Variants in MAFA observed in about 807,000 individuals in gnomAD.
The protein encoded by MAFA is MAF bZIP transcription factor A, also known as transcription factor MafA.
For missense variants in MAFA, 547 were observed against 538.0 expected (o/e 1.02, Z -0.16); for synonymous variants, 244 against 260.3 (o/e 0.94, Z 0.60).
Position 143,430,366 on chromosome 8 carries a change from C to G in MAFA, c.41G>C (p.Ser14Thr), listed in dbSNP as rs755736896. The G allele has an allele frequency of 7.0e-7, 1 of 1,432,258 alleles. No individual in the cohort carries two copies. The highest frequency in any genetic ancestry group is 1.2e-5 in the South Asian group (1 of 80,390). The allele number at this position is 1,432,258 out of a possible 1,614,324, so 88.7% of individuals were successfully genotyped here. A position where few individuals can be genotyped will look rare whatever the true frequency, so the allele number is the denominator to read the frequency against. Residue 14 changes from serine to threonine, a missense_variant, in exon 1 of 1, where the codon AGC (serine) becomes ACC (threonine). Physicochemically the swap from Ser to Thr is moderately conservative, Grantham distance 58. Transcript: ENST00000333480. ...GTTGACGTACTCGATGGCCAGCGGGCTGCTGGGCAGCTCGGCGCCCATCGC... is the reference window on the plus strand; with the variant it reads ...GTTGACGTACTCGATGGCCAGCGGGGTGCTGGGCAGCTCGGCGCCCATCGC... ...ELAMGAELPS[S>T]PLAIEYVNDF... is the part of the protein sequence containing the mutation.
chr8:143,429,641 T>A lies in MAFA; in HGVS notation c.766A>T (p.Lys256Ter). 6.3e-7 allele frequency: 1 copy of A among 1,589,006 alleles called. No individual in the cohort carries two copies. The highest frequency in any genetic ancestry group is 8.5e-7 in the Non-Finnish European group (1 of 1,174,232). Residue 256 changes from lysine to a stop codon, truncating the protein, a stop_gained, in exon 1 of 1, where the codon AAG becomes TAG. Coordinates refer to ENST00000333480, the MANE Select transcript of MAFA (RefSeq NM_201589.4). LOFTEE classifies it low-confidence loss of function (END_TRUNC). The surrounding 1 kb of genome is among the most constrained non-coding windows in gnomAD (Gnocchi z 5.9). ...GFSKEEVIRL[K>*]QKRRTLKNRG... ...TTCTTGAGCGTGCGCCGCTTCTGCT[T>A]GAGCCGGATGACCTCCTCCTTGCTG... is the stretch of plus-strand genomic sequence containing the variant.
Position 143,429,135 on chromosome 8 carries a change from C to A in MAFA, c.*210G>T. On this transcript the variant is annotated 3_prime_UTR_variant, in exon 1 of 1. Transcript: ENST00000333480. This position sits in a 1 kb window ranked among gnomAD's most constrained non-coding sequence, Gnocchi z 5.9. Reference sequence around the variant, plus strand: ...TTAGAAATCACCGTTCTCCGCTCAACCTCAGGACGGCGACCCGGGCCGACG... The same window carrying A: ...TTAGAAATCACCGTTCTCCGCTCAAACTCAGGACGGCGACCCGGGCCGACG... 1 of 449,010 alleles carries A rather than the reference C, an allele frequency of 2.2e-6. No individual in the cohort carries two copies. The highest frequency in any genetic ancestry group is 3.5e-6 in the Non-Finnish European group (1 of 286,082). 27.8% of individuals were successfully genotyped at this position (449,010 alleles called of 1,614,324 possible).
At position 143,428,911 on chromosome 8, in the gene MAFA, G is replaced by T; in HGVS notation, c.*434C>A. The T allele has an allele frequency of 6.4e-6, 1 of 156,186 alleles. No homozygotes were observed. The allele number at this position is 156,186 out of a possible 1,614,324, so 9.7% of individuals were successfully genotyped here. A position where few individuals can be genotyped will look rare whatever the true frequency, so the allele number is the denominator to read the frequency against. ...TCGAAAATAAGACCGATTTTAAAAC[G>T]GGGAGGGGAAGTTAAAAAAGGCAAG... On this transcript the variant is annotated 3_prime_UTR_variant, in exon 1 of 1. Transcript: ENST00000333480.
At position 143,429,265 on chromosome 8, in the gene MAFA, C is replaced by A; in HGVS notation, c.*80G>T. Reference sequence around the variant, plus strand: ...CGGGCCTGGTGTCCACGTCCTGTACCGCGGAGTCCGAGCCGAGGCCCCGAG... The same window carrying A: ...CGGGCCTGGTGTCCACGTCCTGTACAGCGGAGTCCGAGCCGAGGCCCCGAG... On this transcript the variant is annotated 3_prime_UTR_variant, in exon 1 of 1. Coordinates refer to ENST00000333480, the MANE Select transcript of MAFA (RefSeq NM_201589.4). This position sits in a 1 kb window ranked among gnomAD's most constrained non-coding sequence, Gnocchi z 5.9. The A allele has an allele frequency of 7.8e-7, 1 of 1,276,898 alleles. No individual in the cohort carries two copies. The highest frequency in any genetic ancestry group is 9.8e-7 in the Non-Finnish European group (1 of 1,019,232). The allele number at this position is 1,276,898 out of a possible 1,614,324, so 79.1% of individuals were successfully genotyped here.
Position 143,430,134 on chromosome 8 carries a change from C to T in MAFA, c.273G>A (p.Gly91=). The change falls in exon 1 of 1, where the codon GGG becomes GGA. Residue 91 remains glycine (G), a synonymous_variant. Transcript: ENST00000333480. ...CCCCGCTCGGCGGCCCGGGGGCGCCCCCGGCCTGAGACGAGCCGCCGCCGC... is the reference window on the plus strand; with the variant it reads ...CCCCGCTCGGCGGCCCGGGGGCGCCTCCGGCCTGAGACGAGCCGCCGCCGC... ...AGGGGGSSQA[G]GAPGPPSGGP... is the part of the protein sequence containing the mutation. The T allele has an allele frequency of 2.7e-6, 3 of 1,094,608 alleles. No individual in the cohort carries two copies. Among genetic ancestry groups the T allele is most frequent in the Non-Finnish European group, 3.3e-6 (3 of 906,052 alleles). The allele number at this position is 1,094,608 out of a possible 1,614,324, so 67.8% of individuals were successfully genotyped here. A position where few individuals can be genotyped will look rare whatever the true frequency, so the allele number is the denominator to read the frequency against.
rs141816879 is a variant in MAFA, at chr8:143,429,783, ATGGTGGTGG to A, written c.615_623del (p.His206_His208del). On this transcript the variant is annotated inframe_deletion, in exon 1 of 1. Transcript: ENST00000333480. This position sits in a 1 kb window ranked among gnomAD's most constrained non-coding sequence, Gnocchi z 5.9. ...CGCCACCGCCGTGTCCCGCGCCGCC[ATGGTGGTGG>A]TGGTGGTGGTGGTGGTGGTGGGCGG... The A allele has an allele frequency of 3.3e-4, 470 of 1,407,144 alleles. 1 individual carries two copies. Among genetic ancestry groups the A allele is most frequent in the East Asian group, 4.7e-4 (16 of 33,988 alleles). The allele number at this position is 1,407,144 out of a possible 1,614,324, so 87.2% of individuals were successfully genotyped here. A position where few individuals can be genotyped will look rare whatever the true frequency, so the allele number is the denominator to read the frequency against.
chr8:143,429,464 C>T lies in MAFA; in HGVS notation c.943G>A (p.Glu315Lys). 6.3e-7 allele frequency: 1 copy of T among 1,583,520 alleles called. No individual in the cohort carries two copies. Among genetic ancestry groups the T allele is most frequent in the South Asian group, 1.1e-5 (1 of 88,264 alleles). ...KERDLYKEKY[E>K]KLAGRGGPGS... The stretch of plus-strand genomic sequence containing the variant: ...GGGCCGCCCCGGCCCGCCAGCTTCT[C>T]GTATTTCTCCTTGTACAGGTCCCGC... The change falls in exon 1 of 1, where the codon GAG (glutamate) becomes AAG (lysine). Residue 315 changes from glutamate to lysine, a missense_variant. Coordinates refer to ENST00000333480, the MANE Select transcript of MAFA (RefSeq NM_201589.4). This position sits in a 1 kb window ranked among gnomAD's most constrained non-coding sequence, Gnocchi z 5.9.
Position 143,430,201 on chromosome 8 carries a change from C to G in MAFA, c.206G>C (p.Cys69Ser). 1 of 1,240,458 alleles carries G rather than the reference C, an allele frequency of 8.1e-7. No homozygotes were observed. The highest frequency in any genetic ancestry group is 1.0e-6 in the Non-Finnish European group (1 of 977,340). The allele number at this position is 1,240,458 out of a possible 1,614,324, so 76.8% of individuals were successfully genotyped here. Residue 69 changes from cysteine to serine, a missense_variant, in exon 1 of 1, where the codon TGC (cysteine) becomes TCC (serine). Cys to Ser is a moderately radical substitution (Grantham distance 112). Transcript: ENST00000333480. ...CSSVPSSPSFCAPSPGTGGGG... is the reference protein window; with the variant it reads ...CSSVPSSPSFSAPSPGTGGGG... ...GCCGCCGGTGCCCGGGCTGGGCGCG[C>G]AGAAGCTGGGCGAGGAGGGCACGGA...
In MAFA at chr8:143,429,984, C is replaced by A. The variant is rs1176497885; in HGVS notation, c.423G>T (p.Ala141=). ...LNLTPEDAVE[A]LIGSGHHGAH... ...CGCCGTGGTGGCCGCTGCCGATGAGCGCCTCCACCGCGTCCTCGGGCGTCA... is the reference window on the plus strand; with the variant it reads ...CGCCGTGGTGGCCGCTGCCGATGAGAGCCTCCACCGCGTCCTCGGGCGTCA... The change falls in exon 1 of 1, where the codon GCG becomes GCT. Residue 141 remains alanine (A), a synonymous_variant. Transcript: ENST00000333480. This position sits in a 1 kb window ranked among gnomAD's most constrained non-coding sequence, Gnocchi z 5.9. The A allele has an allele frequency of 3.8e-6, 5 of 1,326,520 alleles. No individual in the cohort carries two copies. Among genetic ancestry groups the A allele is most frequent in the South Asian group, 3.6e-5 (2 of 55,720 alleles). 82.2% of individuals were successfully genotyped at this position (1,326,520 alleles called of 1,614,324 possible).
At position 143,428,516 on chromosome 8, in the gene MAFA, A is replaced by C. The variant is rs182109280; in HGVS notation, c.*829T>G. Reference sequence around the variant, plus strand: ...TACTTTTTTCTTTCACTTCTCTTGAAGGTTAAAACAAGATGTATTTCCCCA... The same window carrying C: ...TACTTTTTTCTTTCACTTCTCTTGACGGTTAAAACAAGATGTATTTCCCCA... On this transcript the variant is annotated 3_prime_UTR_variant, in exon 1 of 1. Transcript: ENST00000333480. 6.6e-6 allele frequency: 1 copy of C among 152,336 alleles called. No individual in the cohort carries two copies. Among genetic ancestry groups the C allele is most frequent in the Admixed American group, 6.5e-5 (1 of 15,302 alleles). 9.4% of individuals were successfully genotyped at this position (152,336 alleles called of 1,614,324 possible).
Position 143,430,084 on chromosome 8 carries a change from GA to G in MAFA, c.322del (p.Ser108ArgfsTer12). On this transcript the variant is annotated frameshift_variant, in exon 1 of 1. Coordinates refer to ENST00000333480, the MANE Select transcript of MAFA (RefSeq NM_201589.4). LOFTEE classifies it low-confidence loss of function (END_TRUNC). Reference sequence around the variant, plus strand: ...CAGATCCTCCAGCGCCGGCTTCCCCGAGGTGCCCCCGACGGCGCCGGGGCCC... The same window carrying G: ...CAGATCCTCCAGCGCCGGCTTCCCCGGGTGCCCCCGACGGCGCCGGGGCCC... ...SGGPGAVGGT[S>X]GKPALEDLYW... 8.2e-7 allele frequency: 1 copy of G among 1,217,704 alleles called. No homozygotes were observed. Among genetic ancestry groups the G allele is most frequent in the Admixed American group, 3.8e-5 (1 of 26,378 alleles). 75.4% of individuals were successfully genotyped at this position (1,217,704 alleles called of 1,614,324 possible). A position where few individuals can be genotyped will look rare whatever the true frequency, so the allele number is the denominator to read the frequency against.
rs1225221112 is a variant in MAFA at position 143,430,678 on chromosome 8, C to T, written c.-272G>A. ...CCGCGGCCGCCGCCTCGGGCTGCTC[C>T]GGGACCGCTCCCGCGCCCCACCCGC... On this transcript the variant is annotated 5_prime_UTR_variant, in exon 1 of 1. Coordinates refer to ENST00000333480, the MANE Select transcript of MAFA (RefSeq NM_201589.4). Among the ~76,000 whole-genome samples, 2 of 121,954 alleles carry T rather than the reference C, an allele frequency of 1.6e-5. No homozygotes were observed. Among genetic ancestry groups the T allele is most frequent in the Non-Finnish European group, 3.9e-5 (2 of 51,820 alleles). The allele number at this position is 121,954 out of a possible 152,430, so 80.0% of individuals were successfully genotyped here.
In MAFA at chr8:143,430,189, G is replaced by A. The variant is rs774483749; in HGVS notation, c.218C>T (p.Pro73Leu). The change falls in exon 1 of 1, where the codon CCG becomes CTG. Residue 73 changes from proline to leucine, a missense_variant. Pro to Leu is a moderately conservative substitution (Grantham distance 98, BLOSUM62 -3). Transcript: ENST00000333480. The part of the protein sequence containing the change: ...PSSPSFCAPS[P>L]GTGGGGGAGG... The stretch of plus-strand genomic sequence containing the variant: ...CGCGCCGCCGCCGCCGCCGGTGCCC[G>A]GGCTGGGCGCGCAGAAGCTGGGCGA... 2 of 1,192,338 alleles carry A rather than the reference G, an allele frequency of 1.7e-6. No homozygotes were observed. The highest frequency in any genetic ancestry group is 2.3e-5 in the South Asian group (1 of 42,954). 73.9% of individuals were successfully genotyped at this position (1,192,338 alleles called of 1,614,324 possible).
chr8:143,430,482 C>T lies in MAFA; in HGVS notation c.-76G>A, dbSNP rs527268579. ...GGGGGAGCTGCAGGCCTCTCCCCCC[C>T]CTGCTCCCCGCGGGCGGCGGTCCCG... On this transcript the variant is annotated 5_prime_UTR_variant, in exon 1 of 1. Coordinates refer to ENST00000333480, the MANE Select transcript of MAFA (RefSeq NM_201589.4). 10 of 392,786 alleles carry T rather than the reference C, an allele frequency of 2.5e-5. No homozygotes were observed. Among genetic ancestry groups the T allele is most frequent in the Non-Finnish European group, 2.7e-5 (8 of 293,760 alleles). 24.3% of individuals were successfully genotyped at this position (392,786 alleles called of 1,614,324 possible).
At position 143,429,759 on chromosome 8, in the gene MAFA, G is replaced by A; in HGVS notation, c.648C>T (p.Gly216=). Residue 216 remains glycine, a synonymous_variant, in exon 1 of 1, where the codon GGC becomes GGT. Transcript: ENST00000333480. This position sits in a 1 kb window ranked among gnomAD's most constrained non-coding sequence, Gnocchi z 5.9. ...CCTCCAGGCGCACGTGGTGGCCCGC[G>A]CCACCGCCGTGTCCCGCGCCGCCAT... The part of the protein sequence containing the change: ...HHHGGAGHGG[G]AGHHVRLEER... 6.5e-7 allele frequency: 1 copy of A among 1,534,920 alleles called. No homozygotes were observed. Among genetic ancestry groups the A allele is most frequent in the Non-Finnish European group, 8.7e-7 (1 of 1,146,990 alleles).
chr8:143,429,776 C>T lies in MAFA; in HGVS notation c.631G>A (p.Ala211Thr), dbSNP rs538034673. The change falls in exon 1 of 1, where the codon GCG becomes ACG. Residue 211 changes from alanine to threonine, a missense_variant. Transcript: ENST00000333480. The surrounding 1 kb of genome is among the most constrained non-coding windows in gnomAD (Gnocchi z 5.9). ...TGGCCCGCGCCACCGCCGTGTCCCG[C>T]GCCGCCATGGTGGTGGTGGTGGTGG... is the stretch of plus-strand genomic sequence containing the variant. ...HHHHHHHHGG[A>T]GHGGGAGHHV... is the part of the protein sequence containing the mutation. The T allele has an allele frequency of 6.8e-5, 101 of 1,495,678 alleles. No homozygotes were observed. Among genetic ancestry groups the T allele is most frequent in the Non-Finnish European group, 8.6e-5 (97 of 1,131,362 alleles). 92.7% of individuals were successfully genotyped at this position (1,495,678 alleles called of 1,614,324 possible).
At position 143,430,047 on chromosome 8, in the gene MAFA, G is replaced by T. The variant is rs1430527928; in HGVS notation, c.360C>A (p.Ser120Arg). ...CGGGGTTGAGGTGATGCTGGTAGCC[G>T]CTCATCCAGTACAGATCCTCCAGCG... Reference protein sequence around the residue: ...KPALEDLYWMSGYQHHLNPEA... With the variant: ...KPALEDLYWMRGYQHHLNPEA... Residue 120 changes from serine (S) to arginine (R), a missense_variant, in exon 1 of 1, where the codon AGC (serine) becomes AGA (arginine). Transcript: ENST00000333480. 2 of 1,359,248 alleles carry T rather than the reference G, an allele frequency of 1.5e-6. No individual in the cohort carries two copies. Among genetic ancestry groups the T allele is most frequent in the Non-Finnish European group, 9.6e-7 (1 of 1,045,252 alleles). The allele number at this position is 1,359,248 out of a possible 1,614,324, so 84.2% of individuals were successfully genotyped here.
rs1176876325 is a variant in MAFA at position 143,428,328 on chromosome 8, GC to G, written c.*1016del. On this transcript the variant is annotated 3_prime_UTR_variant, in exon 1 of 1. Transcript: ENST00000333480. ...ACCCGCCTCCTCGCCCTCTCTCCCG[GC>G]TAGTCCAAAGAGCGACGAAGCATTA... 1 of 152,190 alleles carries G rather than the reference GC, an allele frequency of 6.6e-6. No individual in the cohort carries two copies. The highest frequency in any genetic ancestry group is 1.5e-5 in the Non-Finnish European group (1 of 68,038). The allele number at this position is 152,190 out of a possible 1,614,324, so 9.4% of individuals were successfully genotyped here. A position where few individuals can be genotyped will look rare whatever the true frequency, so the allele number is the denominator to read the frequency against.
Position 143,430,449 on chromosome 8 carries a change from G to A in MAFA, c.-43C>T. 1 of 926,314 alleles carries A rather than the reference G, an allele frequency of 1.1e-6. No individual in the cohort carries two copies. Among genetic ancestry groups the A allele is most frequent in the Non-Finnish European group, 1.4e-6 (1 of 738,496 alleles). The allele number at this position is 926,314 out of a possible 1,614,324, so 57.4% of individuals were successfully genotyped here. A position where few individuals can be genotyped will look rare whatever the true frequency, so the allele number is the denominator to read the frequency against. ...CGGCCGCGCCCCGACGGGCGGCGTG[G>A]GAGTGGGGGGGGAGCTGCAGGCCTC... On this transcript the variant is annotated 5_prime_UTR_variant, in exon 1 of 1. Coordinates refer to ENST00000333480, the MANE Select transcript of MAFA (RefSeq NM_201589.4).
Sources: allele counts gnomAD v4.1 joint callset (sites outside exome capture counted in the v4.1 genomes callset), GRCh38; gene constraint gnomAD v4.1.1; non-coding constraint Gnocchi (gnomAD v3.1); transcripts MANE v1.5; gene names NCBI Gene and HGNC (gene_info 2026-07-23, HGNC 2026-07-21).